Variants in USP3 observed in about 807,000 individuals in gnomAD.
USP3 encodes the protein ubiquitin specific peptidase 3.
Under a neutral mutation model 72.3 loss-of-function variants are expected in USP3, and 20 were observed. The ratio of observed to expected loss-of-function variants is 0.28; its 90% confidence interval spans 0.19 to 0.40. The LOEUF is 0.40. Ranked by LOEUF, USP3 falls within the 10% of genes least tolerant of loss-of-function variation. USP3 has a pLI of 1.00. For missense variants in USP3, 479 were observed against 633.9 expected (o/e 0.76, Z 2.62); for synonymous variants, 222 against 225.3 (o/e 0.99, Z 0.13).
intron 3 of USP3, among the ~76,000 whole-genome samples, chr15:63,538,737 A>G (rs961962521): frequency 2.0e-5 from 3 of 151,912 alleles, no homozygotes; most frequent in Non-Finnish European, 4.4e-5. Flanking sequence ...TAGTAGAGAC[A>G]GGGTTTCACC....
intron 3 of USP3, among the ~76,000 whole-genome samples, chr15:63,549,775 T>G (rs2066409961): frequency 6.6e-6 from 1 of 152,208 alleles, no homozygotes; most frequent in African/African-American, 2.4e-5. Context: ...CACACTGAGA[T>G]TTCTAAAAAT....
In USP3 at chr15:63,570,530, G is replaced by A. The variant is rs765362437; in HGVS notation, c.859G>A (p.Ala287Thr). The A allele has an allele frequency of 1.9e-6, 3 of 1,614,010 alleles. No individual in the cohort carries two copies. The highest frequency in any genetic ancestry group is 2.7e-5 in the African/African-American group (2 of 74,920). ...QGGFNGVSRS[A>T]ILQENSTLSA... ...CGGTTTCAACGGTGTTTCCCGCTCAGCAATTCTGCAGGAGAATTCTACTCT... is the reference window on the plus strand; with the variant it reads ...CGGTTTCAACGGTGTTTCCCGCTCAACAATTCTGCAGGAGAATTCTACTCT... The change falls in exon 9 of 15, where the codon GCA becomes ACA. Residue 287 changes from alanine (A) to threonine (T), a missense_variant. Coordinates refer to ENST00000380324, the MANE Select transcript of USP3 (RefSeq NM_006537.4). The surrounding 1 kb of genome is among the most constrained non-coding windows in gnomAD (Gnocchi z 4.4).
chr15:63,546,054 A>C (rs1224438798), intron 3 of USP3, among the ~76,000 whole-genome samples: 1 of 149,266 alleles, frequency 6.7e-6, no homozygotes, highest in Non-Finnish European at 1.5e-5. Context: ...AAACTTGCTT[A>C]GGTATAAATT....
chr15:63,542,218 A>T, intron 3 of USP3: 1 of 983,080 alleles, frequency 1.0e-6, no homozygotes, highest in Non-Finnish European at 1.2e-6. Flanking sequence ...TGTCTTGGGT[A>T]TGACATATAT....
chr15:63,511,644 ATTAGCTTTTGG>A (rs2065783965), intron 1 of USP3, among the ~76,000 whole-genome samples: 1 of 152,182 alleles, frequency 6.6e-6, no homozygotes, highest in Non-Finnish European at 1.5e-5. Context: ...ATAAAATGCA[ATTAGCTTTTGG>A]TTATTTTTAA....
chr15:63,533,643 C>T (rs74700288), intron 2 of USP3, among the ~76,000 whole-genome samples: 5,066 of 152,254 alleles, frequency 0.033, 106 homozygotes, highest in Middle Eastern at 0.099. Context: ...TTTAAATCCT[C>T]ATTGCATGAA....
At chr15:63,504,851 G>T (rs1161853524) in intron 1 of USP3, 21 bp downstream of exon 1, 2 of 1,564,332 alleles carry the variant, frequency 1.3e-6, no homozygotes, top group South Asian at 2.3e-5. Context: ...CCACGGGCCG[G>T]CCCCGCAGCG....
At chr15:63,569,404 G>GACA (rs2066744678) in intron 8 of USP3, among the ~76,000 whole-genome samples, 1 of 152,130 alleles carries the variant, frequency 6.6e-6, no homozygotes, top group Middle Eastern at 3.2e-3. Context: ...ATTGGTTAGG[G>GACA]AGATTGTTTT....
Position 63,593,287 on chromosome 15 carries a change from T to C in USP3, c.*2461T>C, listed in dbSNP as rs1174214196. 2 of 152,366 alleles carry C rather than the reference T, an allele frequency of 1.3e-5. No individual in the cohort carries two copies. Among genetic ancestry groups the C allele is most frequent in the Non-Finnish European group, 2.9e-5 (2 of 68,036 alleles). The allele number at this position is 152,366 out of a possible 1,614,324, so 9.4% of individuals were successfully genotyped here. A position where few individuals can be genotyped will look rare whatever the true frequency, so the allele number is the denominator to read the frequency against. ...TGATCTGATGTATCACACATTAACA[T>C]CACATCTAATTCAACCTGAAATGTG... On this transcript the variant is annotated 3_prime_UTR_variant, in exon 15 of 15. Transcript: ENST00000380324.
At chr15:63,587,671 A>G (rs921637415) in intron 11 of USP3, 1 of 152,250 alleles carries the variant, frequency 6.6e-6, no homozygotes, top group Non-Finnish European at 1.5e-5. Flanking sequence ...GGTGTAGTGT[A>G]AAAGCAGCCA....
intron 11 of USP3, among the ~76,000 whole-genome samples, chr15:63,584,092 G>GTTT (rs61574200): frequency 8.6e-4 from 74 of 85,572 alleles, no homozygotes; most frequent in East Asian, 1.9e-3. Context: ...CAACGGTTTT[G>GTTT]TTTTTTTTTT....
intron 14 of USP3, among the ~76,000 whole-genome samples, chr15:63,589,687 T>C (rs1187346717): frequency 1.3e-5 from 2 of 152,154 alleles, no homozygotes; most frequent in African/African-American, 4.8e-5. Context: ...CATGAAACTC[T>C]CTATACTGTA....
At chr15:63,538,148 T>G (rs1039978119) in intron 3 of USP3, among the ~76,000 whole-genome samples, 1 of 152,274 alleles carries the variant, frequency 6.6e-6, no homozygotes. Flanking sequence ...TGATGCTTAA[T>G]GATCCATATC....
At chr15:63,550,265 A>C (rs1231485214) in intron 3 of USP3, among the ~76,000 whole-genome samples, 1 of 152,200 alleles carries the variant, frequency 6.6e-6, no homozygotes, top group Non-Finnish European at 1.5e-5. Flanking sequence ...TGATCCACCC[A>C]GCTCGGCCTC....
At position 63,570,632 on chromosome 15, in the gene USP3, G is replaced by C. The variant is rs1420964110; in HGVS notation, c.908+53G>C. On this transcript the variant is annotated intron_variant, in intron 9 of 14. Coordinates refer to ENST00000380324, the MANE Select transcript of USP3 (RefSeq NM_006537.4). The surrounding 1 kb of genome is among the most constrained non-coding windows in gnomAD (Gnocchi z 4.4). ...AGGAGGGCCTCAGACATTTCTTTTG[G>C]TGTTAATTATGTGTTAGATTTATAA... 2 of 1,555,768 alleles carry C rather than the reference G, an allele frequency of 1.3e-6. No individual in the cohort carries two copies. The highest frequency in any genetic ancestry group is 1.7e-6 in the Non-Finnish European group (2 of 1,152,904).
intron 2 of USP3, among the ~76,000 whole-genome samples, chr15:63,534,481 G>A (rs1020194653): frequency 2.6e-5 from 4 of 152,124 alleles, no homozygotes; most frequent in South Asian, 4.1e-4. Flanking sequence ...GACATATGTA[G>A]TGAAATTTTT....
At chr15:63,534,159 A>G (rs1324380882) in intron 2 of USP3, among the ~76,000 whole-genome samples, 1 of 152,222 alleles carries the variant, frequency 6.6e-6, no homozygotes, top group Non-Finnish European at 1.5e-5. Context: ...GAAATTTGAC[A>G]TAGTTTTGGA....
intron 4 of USP3, 80 bp from the exon 5 acceptor site, chr15:63,556,587 C>A: frequency 8.8e-7 from 1 of 1,140,248 alleles, no homozygotes; most frequent in Non-Finnish European, 1.2e-6. Flanking sequence ...GTGTTGAGGG[C>A]AGCTGGAGTT....
At position 63,591,381 on chromosome 15, in the gene USP3, C is replaced by CTGCT. The variant is rs1157072359; in HGVS notation, c.*558_*561dup. The CTGCT allele has an allele frequency of 6.6e-6, 1 of 152,320 alleles. No individual in the cohort carries two copies. Among genetic ancestry groups the CTGCT allele is most frequent in the Non-Finnish European group, 1.5e-5 (1 of 68,102 alleles). The allele number at this position is 152,320 out of a possible 1,614,324, so 9.4% of individuals were successfully genotyped here. ...CATCATTAAGTAGACCAGGTAATTA[C>CTGCT]TGCTTGTCTCTCAAGGCTGCTGTCT... On this transcript the variant is annotated 3_prime_UTR_variant, in exon 15 of 15. Transcript: ENST00000380324.
Sources: gnomAD v4.1 joint callset for allele counts (sites outside exome capture counted in the v4.1 genomes callset) on GRCh38, gnomAD v4.1.1 for gene constraint, Gnocchi (gnomAD v3.1) non-coding constraint, MANE v1.5 for transcripts, NCBI Gene and HGNC (gene_info 2026-07-23, HGNC 2026-07-21) for gene names.